TSPAN11: variants seen among roughly 807,000 people sequenced by gnomAD.
TSPAN11 encodes the protein tetraspanin 11, also known as tetraspanin-11.
A neutral mutation model predicts 32.9 loss-of-function variants in TSPAN11; 29 were observed. The observed-to-expected ratio is 0.88, with a 90% CI of 0.66 to 1.20. The LOEUF (loss-of-function observed/expected upper bound fraction) is 1.20. TSPAN11 is among the 50% of genes most tolerant of loss of function. The pLI is 0.00. For synonymous variants in TSPAN11, 140 were observed against 141.3 expected, an observed-to-expected ratio of 0.99 and a Z score of 0.07; for missense variants, 283 against 329.1, an observed-to-expected ratio of 0.86 and a Z score of 1.08.
chr12:30,990,795 G>C (rs1939297304), intron 7 of TSPAN11, among the ~76,000 whole-genome samples: 1 of 152,216 alleles, frequency 6.6e-6, no homozygotes. Flanking sequence ...TGCTAGGAAA[G>C]TCAGGACACT....
At chr12:31,003,662 G>C in the TSPAN11 span, among the ~76,000 whole-genome samples, 1 of 152,190 alleles carries the variant, frequency 6.6e-6, no homozygotes, top group African/African-American at 2.4e-5. Context: ...TGGGTGACTT[G>C]AGCACTTGTT....
chr12:30,944,105 C>CA, intron 1 of TSPAN11, among the ~76,000 whole-genome samples: 1 of 148,308 alleles, frequency 6.7e-6, no homozygotes, highest in East Asian at 2.0e-4. Flanking sequence ...GGAGAGTTTT[C>CA]TTTTTTTTTT....
intron 7 of TSPAN11, among the ~76,000 whole-genome samples, chr12:30,985,515 C>A (rs1939184949): frequency 6.6e-6 from 1 of 152,130 alleles, no homozygotes; most frequent in Non-Finnish European, 1.5e-5. Context: ...CCAGGGCAGG[C>A]CTTCTGTCCT....
chr12:30,988,837 C>T (rs1939256354), intron 7 of TSPAN11, among the ~76,000 whole-genome samples: 1 of 152,242 alleles, frequency 6.6e-6, no homozygotes, highest in Admixed American at 6.5e-5. Flanking sequence ...CTGGCCAGGC[C>T]TCCAGCTCAC....
chr12:30,969,440 C>T (rs897202248), intron 3 of TSPAN11, among the ~76,000 whole-genome samples: 1 of 152,240 alleles, frequency 6.6e-6, no homozygotes, highest in Non-Finnish European at 1.5e-5. Context: ...AGCATGAGTC[C>T]TTTCCTCATC....
chr12:30,931,159 A>G (rs11616144), intron 1 of TSPAN11, among the ~76,000 whole-genome samples: 18,351 of 151,998 alleles, frequency 0.12, 1,113 homozygotes, highest in East Asian at 0.15. Context: ...TTTAATATGT[A>G]CTTCGTGTTT....
At chr12:31,002,358 G>C in the TSPAN11 span, among the ~76,000 whole-genome samples, 495 of 152,288 alleles carry the variant, frequency 3.3e-3, 2 homozygotes, top group African/African-American at 0.011. This position sits in a 1 kb window ranked among gnomAD's most constrained non-coding sequence, Gnocchi z 4.8. Context: ...ATGCACACTC[G>C]TTCTTTATGC....
intron 5 of TSPAN11, among the ~76,000 whole-genome samples, chr12:30,982,284 C>T (rs912934859): frequency 1.3e-5 from 2 of 152,194 alleles, no homozygotes; most frequent in African/African-American, 4.8e-5. Context: ...CCTTAAAGGA[C>T]TTGGGTGGCT....
At chr12:30,990,168 G>A (rs1939283521) in intron 7 of TSPAN11, among the ~76,000 whole-genome samples, 1 of 152,174 alleles carries the variant, frequency 6.6e-6, no homozygotes, top group Admixed American at 6.5e-5. Flanking sequence ...GTGTGTGTGT[G>A]CATGTGGACG....
At chr12:30,945,459 T>C (rs1432368225) in intron 1 of TSPAN11, among the ~76,000 whole-genome samples, 3 of 152,172 alleles carry the variant, frequency 2.0e-5, no homozygotes, top group Middle Eastern at 3.4e-3. Flanking sequence ...GTCTGATTTA[T>C]AAAAATCAGC....
At chr12:30,927,508 G>A (rs999737474) in intron 1 of TSPAN11, among the ~76,000 whole-genome samples, 1 of 152,086 alleles carries the variant, frequency 6.6e-6, no homozygotes, top group East Asian at 1.9e-4. Context: ...ATCTTAACTT[G>A]AGTCTAAGCT....
intron 1 of TSPAN11, among the ~76,000 whole-genome samples, chr12:30,930,792 G>A (rs916223132): frequency 1.3e-5 from 2 of 152,202 alleles, no homozygotes; most frequent in African/African-American, 4.8e-5. Flanking sequence ...TGTGGCGTCG[G>A]GCTGGGTAGG....
chr12:30,969,216 A>G (rs565292787), intron 3 of TSPAN11, among the ~76,000 whole-genome samples: 1 of 152,278 alleles, frequency 6.6e-6, no homozygotes, highest in East Asian at 1.9e-4. Flanking sequence ...CGCTGGTGGG[A>G]AGTTCAGGGT....
At chr12:31,010,272 C>G in the TSPAN11 span, among the ~76,000 whole-genome samples, 2 of 152,194 alleles carry the variant, frequency 1.3e-5, no homozygotes, top group Admixed American at 6.5e-5. Context: ...ATGTCACCAC[C>G]CTACCTTGGG....
At chr12:30,984,717 C>T (rs1434535666) in intron 7 of TSPAN11, among the ~76,000 whole-genome samples, 1 of 152,030 alleles carries the variant, frequency 6.6e-6, no homozygotes, top group East Asian at 1.9e-4. Context: ...CACCACCACG[C>T]CGCCTAGTTT....
chr12:30,935,810 T>A (rs1565787547), intron 1 of TSPAN11, among the ~76,000 whole-genome samples: 1 of 152,176 alleles, frequency 6.6e-6, no homozygotes, highest in South Asian at 2.1e-4. Context: ...TTGGTGCAGT[T>A]AGGCAGCCTG....
At chr12:30,934,459 A>G (rs569368287) in intron 1 of TSPAN11, among the ~76,000 whole-genome samples, 1 of 152,322 alleles carries the variant, frequency 6.6e-6, no homozygotes, top group East Asian at 1.9e-4. Context: ...TTGGACTTAC[A>G]GTTCCACATG....
Position 30,992,225 on chromosome 12 carries a change from G to A in TSPAN11, c.*310G>A, listed in dbSNP as rs564127652. 2.6e-4 allele frequency: 116 copies of A among 445,940 alleles called. No homozygotes were observed. The highest frequency in any genetic ancestry group is 2.0e-3 in the East Asian group (51 of 26,078). 27.6% of individuals were successfully genotyped at this position (445,940 alleles called of 1,614,324 possible). A position where few individuals can be genotyped will look rare whatever the true frequency, so the allele number is the denominator to read the frequency against. On this transcript the variant is annotated 3_prime_UTR_variant, in exon 8 of 8. Coordinates refer to ENST00000546076, the MANE Select transcript of TSPAN11 (RefSeq NM_001370302.1). Reference sequence around the variant, plus strand: ...CACCCGTGGACTACGGGAGGGTGGCGGTTGGGTTCTCTGCTCCCTCCCAGC... The same window carrying A: ...CACCCGTGGACTACGGGAGGGTGGCAGTTGGGTTCTCTGCTCCCTCCCAGC...
intron 6 of TSPAN11, 29 bp downstream of exon 6, chr12:30,982,719 A>G (rs1206967391): frequency 1.0e-5 from 16 of 1,531,248 alleles, no homozygotes; most frequent in Non-Finnish European, 1.3e-5. Flanking sequence ...GTTGGGGGTG[A>G]GGAGAGGGCC....
Sources: gnomAD v4.1 joint callset for allele counts (sites outside exome capture counted in the v4.1 genomes callset) on GRCh38, gnomAD v4.1.1 for gene constraint, Gnocchi (gnomAD v3.1) non-coding constraint, MANE v1.5 for transcripts, NCBI Gene and HGNC (gene_info 2026-07-23, HGNC 2026-07-21) for gene names.